The following JAK2 variants were observed in gnomAD, a reference collection of about 807,000 sequenced individuals.
JAK2 encodes tyrosine-protein kinase JAK2.
Under a neutral mutation model 139.3 loss-of-function variants are expected in JAK2, and 86 were observed. The ratio of observed to expected loss-of-function variants is 0.62; its 90% CI spans 0.52 to 0.74. The LOEUF (loss-of-function observed/expected upper bound fraction) is 0.74, where lower values mean the gene tolerates loss of function less well. JAK2 is among the 30% of genes least tolerant of loss of function. The pLI, the probability that JAK2 is intolerant of heterozygous loss-of-function variation, is 0.00. For synonymous variants in JAK2, 490 were observed against 437.7 expected (o/e 1.12, Z -1.49); for missense variants, 1,421 against 1,360.3 (o/e 1.04, Z -0.70).
In JAK2 at chr9:5,090,882, A is replaced by G; in HGVS notation, c.3030A>G (p.Val1010=). ...CACAAGACAAAGAATACTATAAAGT[A>G]AAAGAACCTGGTGAAAGTCCCATAT... The part of the protein sequence containing the change: ...VLPQDKEYYK[V]KEPGESPIFW... Residue 1010 remains valine, a synonymous_variant, in exon 22 of 25, where the codon GTA becomes GTG. Transcript: ENST00000381652. 6.2e-7 allele frequency: 1 copy of G among 1,606,960 alleles called. No individual in the cohort carries two copies. The highest frequency in any genetic ancestry group is 8.5e-7 in the Non-Finnish European group (1 of 1,177,832).
chr9:5,022,148 A>T lies in JAK2; in HGVS notation c.161A>T (p.Tyr54Phe), dbSNP rs1325660414. The change falls in exon 3 of 25, where the codon TAT becomes TTT. Residue 54 changes from tyrosine to phenylalanine, a missense_variant. Physicochemically the swap from Tyr to Phe is conservative, Grantham distance 22. Transcript: ENST00000381652. ...YHSLGKSEADYLTFPSGEYVA... is the reference protein window; with the variant it reads ...YHSLGKSEADFLTFPSGEYVA... ...TCCCTTGGGAAATCTGAGGCAGATT[A>T]TCTGACCTTTCCATCTGGGGAGTAT... 1 of 1,614,194 alleles carries T rather than the reference A, an allele frequency of 6.2e-7. No individual in the cohort carries two copies. Among genetic ancestry groups the T allele is most frequent in the South Asian group, 1.1e-5 (1 of 91,090 alleles).
At chr9:5,091,060 TCTTATAGTCATG>T (rs1820534838) in intron 22 of JAK2, 149 bp downstream of exon 22, 1 of 583,808 alleles carries the variant, frequency 1.7e-6, no homozygotes, top group Non-Finnish European at 3.0e-6. Context: ...TTTTTTTAGG[TCTTATAGTCATG>T]GTTATAGTCC....
intron 22 of JAK2, chr9:5,108,998 T>C (rs1048420965): frequency 6.6e-6 from 1 of 152,130 alleles, no homozygotes; most frequent in Non-Finnish European, 1.5e-5. Flanking sequence ...TCATGATGAC[T>C]TCTAGCAAAT....
At chr9:5,038,380 CA>C (rs1017331276) in intron 4 of JAK2, among the ~76,000 whole-genome samples, 2 of 151,994 alleles carry the variant, frequency 1.3e-5, no homozygotes, top group Non-Finnish European at 2.9e-5. Context: ...TAGTTATTCA[CA>C]AAAAATAGAA....
intron 23 of JAK2, among the ~76,000 whole-genome samples, chr9:5,125,469 A>G (rs11793886): frequency 0.24 from 36,559 of 151,228 alleles, 4,882 homozygotes; most frequent in South Asian, 0.3. Flanking sequence ...TTCAGTGAAC[A>G]TAGTGAACAT....
chr9:5,118,207 C>T (rs1016300103), intron 22 of JAK2, among the ~76,000 whole-genome samples: 2 of 152,138 alleles, frequency 1.3e-5, no homozygotes, highest in African/African-American at 4.8e-5. Context: ...ACTTATCACC[C>T]ACTTAAAAAG....
At chr9:5,023,095 C>T (rs1822541191) in intron 3 of JAK2, among the ~76,000 whole-genome samples, 1 of 152,174 alleles carries the variant, frequency 6.6e-6, no homozygotes, top group Admixed American at 6.5e-5. Context: ...TTCTATCAAA[C>T]ATTTGAACTT....
At chr9:5,106,801 A>T (rs900349287) in intron 22 of JAK2, among the ~76,000 whole-genome samples, 4 of 152,204 alleles carry the variant, frequency 2.6e-5, no homozygotes, top group African/African-American at 9.7e-5. Context: ...GCGCAAGGAC[A>T]GAAAAGCAAA....
chr9:5,001,258 C>T (rs141671689), intron 2 of JAK2, among the ~76,000 whole-genome samples: 1 of 152,272 alleles, frequency 6.6e-6, no homozygotes, highest in Non-Finnish European at 1.5e-5. Flanking sequence ...GGTGAGCATC[C>T]TTTCCTTGTT....
chr9:5,115,875 G>T (rs1823118317), intron 22 of JAK2, among the ~76,000 whole-genome samples: 1 of 152,156 alleles, frequency 6.6e-6, no homozygotes, highest in Non-Finnish European at 1.5e-5. Flanking sequence ...TATGGACACA[G>T]GGAGGGGAAC....
At chr9:5,124,503 A>G (rs371436311) in intron 23 of JAK2, among the ~76,000 whole-genome samples, 19 of 151,946 alleles carry the variant, frequency 1.3e-4, no homozygotes, top group East Asian at 1.2e-3. Flanking sequence ...TGCAGATTCA[A>G]TGCAGTTCCT....
intron 22 of JAK2, among the ~76,000 whole-genome samples, chr9:5,104,801 C>A (rs917572608): frequency 6.6e-6 from 1 of 152,168 alleles, no homozygotes; most frequent in Admixed American, 6.5e-5. Flanking sequence ...GAACCAATGA[C>A]AAAAACCACA....
intron 8 of JAK2, among the ~76,000 whole-genome samples, chr9:5,057,708 G>A (rs1817867761): frequency 6.7e-6 from 1 of 149,878 alleles, no homozygotes; most frequent in East Asian, 2.0e-4. Flanking sequence ...TCAGCCTCCC[G>A]ATAGCTGGGA....
At chr9:5,069,850 C>A (rs1818829372) in intron 11 of JAK2, 75 bp from the exon 12 acceptor site, 3 of 937,866 alleles carry the variant, frequency 3.2e-6, no homozygotes, top group Non-Finnish European at 4.6e-6. Context: ...GAACACATTT[C>A]ATTTTACTCC....
rs1015156197 is a variant in JAK2 at position 5,031,585 on chromosome 9, T to C, written c.350+1679T>C. 3.2e-4 allele frequency among the ~76,000 whole-genome samples: 48 copies of C among 152,188 alleles called. 1 individual carries two copies. Among genetic ancestry groups the C allele is most frequent in the Admixed American group, 3.3e-4 (5 of 15,280 alleles). ...AATTATAGATTGATTAAAGATCAGATTGATATGTAAATAGAAATGTAAAGA... is the reference window on the plus strand; with the variant it reads ...AATTATAGATTGATTAAAGATCAGACTGATATGTAAATAGAAATGTAAAGA... On this transcript the variant is annotated intron_variant, in intron 4 of 24. Coordinates refer to ENST00000381652, the MANE Select transcript of JAK2 (RefSeq NM_004972.4).
At chr9:5,085,415 A>G (rs1040840264) in intron 19 of JAK2, 3 of 767,650 alleles carry the variant, frequency 3.9e-6, no homozygotes, top group Non-Finnish European at 7.2e-6. Context: ...ACTGCTTTAC[A>G]ACTGTTGGCT....
At chr9:5,049,794 T>G (rs1326639348) in intron 5 of JAK2, among the ~76,000 whole-genome samples, 2 of 152,240 alleles carry the variant, frequency 1.3e-5, no homozygotes, top group Non-Finnish European at 2.9e-5. Context: ...TATAGCCTAG[T>G]ATATGCCTAG....
At chr9:5,109,657 A>C (rs1262878288) in intron 22 of JAK2, 2 of 152,164 alleles carry the variant, frequency 1.3e-5, no homozygotes, top group African/African-American at 4.8e-5. Context: ...ATATATACAG[A>C]CCAAGAAGTC....
chr9:4,993,656 A>G (rs558366548), intron 2 of JAK2, among the ~76,000 whole-genome samples: 14 of 152,336 alleles, frequency 9.2e-5, no homozygotes, highest in African/African-American at 3.1e-4. Flanking sequence ...CCTCACTGAC[A>G]GTCTCCTTGA....
Sources: allele counts gnomAD v4.1 joint callset (sites outside exome capture counted in the v4.1 genomes callset), GRCh38; gene constraint gnomAD v4.1.1; transcripts MANE v1.5; gene names NCBI Gene and HGNC (gene_info 2026-07-23, HGNC 2026-07-21).